Variants in KCNIP4 observed in about 807,000 individuals in gnomAD.
The protein encoded by KCNIP4 is potassium voltage-gated channel interacting protein 4.
Under a neutral mutation model 34.0 loss-of-function variants are expected in KCNIP4, and 12 were observed. The ratio of observed to expected loss-of-function variants is 0.35; its 90% CI spans 0.23 to 0.57. The LOEUF (loss-of-function observed/expected upper bound fraction) is 0.57. Among genes scored for constraint, KCNIP4 ranks in the 20% least tolerant of loss-of-function variants. The pLI is 0.83. For synonymous variants in KCNIP4, 124 were observed against 102.2 expected (o/e 1.21, Z -1.29); for missense variants, 238 against 311.7 (o/e 0.76, Z 1.78).
At chr4:20,904,329 G>GTATATATATATATATA (rs71655609) in intron 1 of KCNIP4, among the ~76,000 whole-genome samples, 1 of 144,932 alleles carries the variant, frequency 6.9e-6, no homozygotes, top group Non-Finnish European at 1.5e-5. Flanking sequence ...ATGTGTGTGT[G>GTATATATATATATATA]TGTATATATA....
chr4:21,734,990 G>GA (rs1715885957), intron 1 of KCNIP4, among the ~76,000 whole-genome samples: 1 of 151,958 alleles, frequency 6.6e-6, no homozygotes, highest in East Asian at 1.9e-4. Context: ...CTTATTTCAT[G>GA]AAAAAATGTT....
intron 1 of KCNIP4, among the ~76,000 whole-genome samples, chr4:21,870,328 A>T (rs931372483): frequency 6.6e-6 from 1 of 152,188 alleles, no homozygotes; most frequent in African/African-American, 2.4e-5. Context: ...CTGAAAGCCC[A>T]GGAAACTACT....
intron 1 of KCNIP4, among the ~76,000 whole-genome samples, chr4:21,896,647 G>T (rs554725621): frequency 2.8e-4 from 43 of 152,258 alleles, no homozygotes; most frequent in African/African-American, 9.9e-4. Flanking sequence ...TGTCAGACAT[G>T]GTGGCTCATA....
At chr4:21,851,789 GT>G (rs2109337065) in intron 1 of KCNIP4, 1 of 152,252 alleles carries the variant, frequency 6.6e-6, no homozygotes, top group Admixed American at 6.5e-5. Context: ...CCAAGCTTTA[GT>G]TTTTTAAATT....
At chr4:21,399,110 C>T (rs1178340664) in intron 1 of KCNIP4, among the ~76,000 whole-genome samples, 1 of 152,224 alleles carries the variant, frequency 6.6e-6, no homozygotes, top group African/African-American at 2.4e-5. Flanking sequence ...CACGTTAGCA[C>T]CTCAACCTAG....
At chr4:21,681,185 C>T (rs962241185) in intron 1 of KCNIP4, among the ~76,000 whole-genome samples, 7 of 152,128 alleles carry the variant, frequency 4.6e-5, no homozygotes, top group Admixed American at 4.6e-4. Context: ...TGCAACCCTC[C>T]CACCTCAGCC....
intron 1 of KCNIP4, among the ~76,000 whole-genome samples, chr4:21,246,068 C>T (rs989284157): frequency 4.6e-5 from 7 of 152,048 alleles, no homozygotes; most frequent in African/African-American, 1.7e-4. Context: ...CTCTGTAGAA[C>T]ACGATAGCTA....
chr4:20,864,047 TGTATGTATACACATGTATGTATAC>T (rs1407476947), intron 2 of KCNIP4, among the ~76,000 whole-genome samples: 1 of 125,208 alleles, frequency 8.0e-6, no homozygotes, highest in African/African-American at 2.6e-5. Flanking sequence ...TGTATACGCA[TGTATGTATACACATGTATGTATAC>T]GTATGTATGT....
intron 1 of KCNIP4, among the ~76,000 whole-genome samples, chr4:20,953,533 T>C (rs1043740659): frequency 1.3e-5 from 2 of 151,996 alleles, no homozygotes; most frequent in African/African-American, 4.8e-5. Context: ...TATACAAAAA[T>C]TAGCCTGGCA....
At chr4:21,250,633 C>T in intron 1 of KCNIP4, among the ~76,000 whole-genome samples, 1 of 152,002 alleles carries the variant, frequency 6.6e-6, no homozygotes, top group Non-Finnish European at 1.5e-5. Flanking sequence ...ACTTAAATTA[C>T]AAACAGAAAA....
At chr4:21,511,305 A>G (rs1018744172) in intron 1 of KCNIP4, among the ~76,000 whole-genome samples, 2 of 151,506 alleles carry the variant, frequency 1.3e-5, no homozygotes, top group Non-Finnish European at 1.5e-5. Flanking sequence ...AATAAATAGT[A>G]TAGGCTTCAT....
intron 1 of KCNIP4, among the ~76,000 whole-genome samples, chr4:21,073,057 T>A (rs1361605259): frequency 1.3e-5 from 2 of 152,172 alleles, no homozygotes; most frequent in African/African-American, 4.8e-5. Context: ...AGCCTTGTAG[T>A]ATAGTTTGAA....
At chr4:20,791,161 T>C (rs1173567227) in intron 3 of KCNIP4, among the ~76,000 whole-genome samples, 1 of 152,118 alleles carries the variant, frequency 6.6e-6, no homozygotes, top group East Asian at 1.9e-4. Context: ...ACAAAATCTT[T>C]CCAAATACTG....
intron 1 of KCNIP4, among the ~76,000 whole-genome samples, chr4:21,330,229 GGAGT>G (rs1214209751): frequency 2.6e-5 from 4 of 152,156 alleles, no homozygotes; most frequent in African/African-American, 4.8e-5. Context: ...ACAACGCTAA[GGAGT>G]GAGAATCATT....
chr4:21,001,441 TGGA>T (rs1223727942), intron 1 of KCNIP4, among the ~76,000 whole-genome samples: 10 of 152,148 alleles, frequency 6.6e-5, no homozygotes, highest in African/African-American at 2.2e-4. Context: ...GGTGATAAGA[TGGA>T]TTTGGCCAGT....
chr4:21,116,700 A>G (rs557113602), intron 1 of KCNIP4, among the ~76,000 whole-genome samples: 1 of 152,316 alleles, frequency 6.6e-6, no homozygotes, highest in African/African-American at 2.4e-5. Flanking sequence ...AGAGTAGACT[A>G]CCAGCAGATT....
At chr4:21,848,137 T>C (rs1724143262) in intron 1 of KCNIP4, 1 of 152,114 alleles carries the variant, frequency 6.6e-6, no homozygotes, top group Non-Finnish European at 1.5e-5. Flanking sequence ...GATATTTGAG[T>C]AGCCTCTCAA....
chr4:21,291,940 A>T (rs934499587), intron 1 of KCNIP4, among the ~76,000 whole-genome samples: 1 of 96,006 alleles, frequency 1.0e-5, no homozygotes, highest in African/African-American at 6.8e-5. Context: ...AGAAAGAAAA[A>T]AAAAGAAAAA....
chr4:21,047,281 A>G lies in KCNIP4; in HGVS notation c.62-164572T>C, dbSNP rs1291868756. 2.6e-5 allele frequency among the ~76,000 whole-genome samples: 4 copies of G among 152,194 alleles called. No individual in the cohort carries two copies. In the East Asian group the frequency reaches 7.7e-4, roughly 29 times the overall value. Reference sequence around the variant, plus strand: ...AACAAGACTGAGCAGAAAGTTGAAGACTATGTGATAGATCCCTTGTCATCT... The same window carrying G: ...AACAAGACTGAGCAGAAAGTTGAAGGCTATGTGATAGATCCCTTGTCATCT... On this transcript the variant is annotated intron_variant, in intron 1 of 8. Coordinates refer to ENST00000382152, the MANE Select transcript of KCNIP4 (RefSeq NM_025221.6).
Sources: gnomAD v4.1 joint callset for allele counts (sites outside exome capture counted in the v4.1 genomes callset) on GRCh38, gnomAD v4.1.1 for gene constraint, MANE v1.5 for transcripts, NCBI Gene and HGNC (gene_info 2026-07-23, HGNC 2026-07-21) for gene names.